The following FAM163B variants were observed in gnomAD, a reference collection of about 807,000 sequenced individuals.
The protein encoded by FAM163B is protein FAM163B.
FAM163B carries 4 observed loss-of-function variants against 7.6 expected under a neutral mutation model. The observed-to-expected ratio is 0.52, with a 90% CI of 0.26 to 1.20. The LOEUF (loss-of-function observed/expected upper bound fraction) is 1.20. Ranked by LOEUF, FAM163B falls within the 50% of genes most tolerant of loss-of-function variation. The pLI is 0.14. For synonymous variants in FAM163B, 120 were observed against 111.6 expected (o/e 1.07, Z -0.47); for missense variants, 250 against 243.0 (o/e 1.03, Z -0.19).
chr9:133,587,291 G>A (rs900479235), intron 1 of FAM163B, among the ~76,000 whole-genome samples: 35 of 152,340 alleles, frequency 2.3e-4, no homozygotes, highest in Middle Eastern at 3.4e-3. Context: ...GGGGAGTCGA[G>A]GGGTGTTGTG....
At position 133,599,519 on chromosome 9, in the gene FAM163B, ATATG is replaced by A. The variant is rs1288375042; in HGVS notation, c.-24+9554_-24+9557del. Among the ~76,000 whole-genome samples, 20 of 151,728 alleles carry A rather than the reference ATATG, an allele frequency of 1.3e-4. No homozygotes were observed. In the East Asian group the frequency reaches 1.6e-3, roughly 12 times the overall value. ...AAGGGGTGTGTGTATGTGTGCATGC[ATATG>A]TATGTGTCTGTGTGCATGTGTTGAG... is the stretch of plus-strand genomic sequence containing the variant. On this transcript the variant is annotated intron_variant, in intron 1 of 2. Coordinates refer to ENST00000673969, the MANE Select transcript of FAM163B (RefSeq NM_001080515.3).
intron 1 of FAM163B, among the ~76,000 whole-genome samples, chr9:133,590,225 C>T (rs1255032481): frequency 7.0e-6 from 1 of 143,668 alleles, no homozygotes; most frequent in South Asian, 2.3e-4. Flanking sequence ...TCTCTCCTTC[C>T]TTCCTTCTCT....
chr9:133,591,726 A>G (rs1417819639), intron 1 of FAM163B, among the ~76,000 whole-genome samples: 1 of 152,156 alleles, frequency 6.6e-6, no homozygotes, highest in African/African-American at 2.4e-5. Flanking sequence ...TGGGAGAACC[A>G]CTGTCCCGAA....
At chr9:133,597,552 G>A (rs917278534) in intron 1 of FAM163B, among the ~76,000 whole-genome samples, 1 of 152,102 alleles carries the variant, frequency 6.6e-6, no homozygotes, top group Non-Finnish European at 1.5e-5. Flanking sequence ...TGGAGCTGGT[G>A]CAAAAAACAA....
intron 1 of FAM163B, among the ~76,000 whole-genome samples, chr9:133,599,306 G>T (rs1174693737): frequency 6.6e-6 from 1 of 152,094 alleles, no homozygotes; most frequent in East Asian, 1.9e-4. Context: ...AAGCTTTGCT[G>T]CTCGCCCAGG....
rs1331696683 is a variant in FAM163B, at chr9:133,600,966, T to C, written c.-24+8111A>G. On this transcript the variant is annotated intron_variant, in intron 1 of 2. Coordinates refer to ENST00000673969, the MANE Select transcript of FAM163B (RefSeq NM_001080515.3). The surrounding 1 kb of genome is among the most constrained non-coding windows in gnomAD (Gnocchi z 4.9). ...GAGTTCCTGGCTGAACTCCAGACATTTTGCTCTTCCCTGACATCAGCCCAA... is the reference window on the plus strand; with the variant it reads ...GAGTTCCTGGCTGAACTCCAGACATCTTGCTCTTCCCTGACATCAGCCCAA... Among the ~76,000 whole-genome samples the C allele has an allele frequency of 6.6e-6, 1 of 152,036 alleles. No individual in the cohort carries two copies. Among genetic ancestry groups the C allele is most frequent in the African/African-American group, 2.4e-5 (1 of 41,392 alleles).
At chr9:133,604,308 A>C (rs1288967952) in intron 1 of FAM163B, among the ~76,000 whole-genome samples, 1 of 152,166 alleles carries the variant, frequency 6.6e-6, no homozygotes, top group Admixed American at 6.5e-5. Context: ...TCAATGACAG[A>C]CTAGGGTGTC....
chr9:133,605,433 T>C (rs1219535308), intron 1 of FAM163B, among the ~76,000 whole-genome samples: 1 of 152,186 alleles, frequency 6.6e-6, no homozygotes, highest in Admixed American at 6.5e-5. Context: ...CTGGTTTGTT[T>C]TGGGGTCTCT....
At chr9:133,599,014 CA>C (rs1314955329) in intron 1 of FAM163B, among the ~76,000 whole-genome samples, 1 of 152,168 alleles carries the variant, frequency 6.6e-6, no homozygotes, top group African/African-American at 2.4e-5. Context: ...CCCCCTCCCC[CA>C]GGGGCCCTCC....
chr9:133,593,992 A>G (rs1588330029), intron 1 of FAM163B, among the ~76,000 whole-genome samples: 4 of 152,326 alleles, frequency 2.6e-5, no homozygotes, highest in Non-Finnish European at 5.9e-5. Context: ...AGGAGATGAC[A>G]GGGGTGGACC....
At chr9:133,580,898 T>C (rs1831346434) in intron 1 of FAM163B, among the ~76,000 whole-genome samples, 2 of 152,234 alleles carry the variant, frequency 1.3e-5, no homozygotes, top group Admixed American at 1.3e-4. Flanking sequence ...CTTGCAAAAC[T>C]GAAAACCAAT....
intron 1 of FAM163B, among the ~76,000 whole-genome samples, chr9:133,587,164 T>C (rs1458771618): frequency 6.6e-6 from 1 of 152,168 alleles, no homozygotes; most frequent in Admixed American, 6.5e-5. Flanking sequence ...CCCATCCCTG[T>C]CTGGAGTCCA....
chr9:133,579,316 C>T lies in FAM163B; in HGVS notation c.207G>A (p.Gly69=), dbSNP rs1207561073. The change falls in exon 3 of 3, where the codon GGG becomes GGA. Residue 69 remains glycine (G), a synonymous_variant. Coordinates refer to ENST00000673969, the MANE Select transcript of FAM163B (RefSeq NM_001080515.3). ...HSNRNLVLTN[G]PALYPTASTS... Reference sequence around the variant, plus strand: ...TGGAGGCGGTGGGGTAGAGCGCCGGCCCGTTGGTCAGCACCAGGTTGCGGT... The same window carrying T: ...TGGAGGCGGTGGGGTAGAGCGCCGGTCCGTTGGTCAGCACCAGGTTGCGGT... 2 of 1,613,618 alleles carry T rather than the reference C, an allele frequency of 1.2e-6. No individual in the cohort carries two copies. Among genetic ancestry groups the T allele is most frequent in the Non-Finnish European group, 1.7e-6 (2 of 1,179,954 alleles).
rs759363602 is a variant in FAM163B, at chr9:133,601,711, G to A, written c.-24+7366C>T. Among the ~76,000 whole-genome samples, 9 of 152,198 alleles carry A rather than the reference G, an allele frequency of 5.9e-5. No homozygotes were observed. The highest frequency in any genetic ancestry group is 1.3e-4 in the Non-Finnish European group (9 of 68,034). On this transcript the variant is annotated intron_variant, in intron 1 of 2. Coordinates refer to ENST00000673969, the MANE Select transcript of FAM163B (RefSeq NM_001080515.3). The surrounding 1 kb of genome is among the most constrained non-coding windows in gnomAD (Gnocchi z 4.1). ...TGAAGACCCTGATGGGAAACCAGAC[G>A]CCATCTCTGTCCCTAATCATGGGGT...
chr9:133,587,505 C>T (rs1169950043), intron 1 of FAM163B, among the ~76,000 whole-genome samples: 1 of 151,554 alleles, frequency 6.6e-6, no homozygotes, highest in East Asian at 1.9e-4. Flanking sequence ...TGGCCTCCAT[C>T]ATGGGGCTGT....
chr9:133,595,377 C>T (rs561346992), intron 1 of FAM163B, among the ~76,000 whole-genome samples: 169 of 152,326 alleles, frequency 1.1e-3, no homozygotes, highest in Middle Eastern at 6.8e-3. Context: ...AACTCTTGAC[C>T]TCAAGTGATG....
intron 1 of FAM163B, among the ~76,000 whole-genome samples, chr9:133,587,574 G>A (rs1226921528): frequency 1.3e-5 from 2 of 152,176 alleles, no homozygotes; most frequent in African/African-American, 4.8e-5. Context: ...CTGACCCAGT[G>A]GGCAGGGTCT....
chr9:133,583,793 G>A (rs1289657588), intron 1 of FAM163B, among the ~76,000 whole-genome samples: 2 of 152,198 alleles, frequency 1.3e-5, no homozygotes, highest in African/African-American at 2.4e-5. Context: ...CAACACCCAG[G>A]CTGGTCCAGC....
chr9:133,609,310 C>A lies in FAM163B; in HGVS notation c.-257G>T, dbSNP rs1041922850. On this transcript the variant is annotated 5_prime_UTR_variant, in exon 1 of 3. Coordinates refer to ENST00000673969, the MANE Select transcript of FAM163B (RefSeq NM_001080515.3). ...ACCCCTGCCAGCTCCGCGCTGCGGC[C>A]GCGACTCCGGACGCCCCGGCTGGCT... Among the ~76,000 whole-genome samples the A allele has an allele frequency of 6.7e-6, 1 of 149,716 alleles. No homozygotes were observed. The highest frequency in any genetic ancestry group is 1.5e-5 in the Non-Finnish European group (1 of 67,112).
Sources: gnomAD v4.1 joint callset for allele counts (sites outside exome capture counted in the v4.1 genomes callset) on GRCh38, gnomAD v4.1.1 for gene constraint, Gnocchi (gnomAD v3.1) non-coding constraint, MANE v1.5 for transcripts, NCBI Gene and HGNC (gene_info 2026-07-23, HGNC 2026-07-21) for gene names.